The following NTM variants were observed in gnomAD, a reference collection of about 807,000 sequenced individuals.
The protein encoded by NTM is neurotrimin, also known as IgLON family member 2.
NTM carries 13 observed loss-of-function variants against 42.1 expected under a neutral mutation model. The ratio of observed to expected loss-of-function variants is 0.31; its 90% CI spans 0.20 to 0.49. The LOEUF (loss-of-function observed/expected upper bound fraction) is 0.49. Ranked by LOEUF, NTM falls within the 20% of genes least tolerant of loss-of-function variation. The pLI, the probability that NTM is intolerant of heterozygous loss-of-function variation, is 0.99. For synonymous variants in NTM, 187 were observed against 179.2 expected, an observed-to-expected ratio of 1.04 and a Z score of -0.35; for missense variants, 373 against 452.8, an observed-to-expected ratio of 0.82 and a Z score of 1.60.
At chr11:131,984,335 G>A (rs775900261) in intron 2 of NTM, 6 of 152,198 alleles carry the variant, frequency 3.9e-5, no homozygotes, top group Non-Finnish European at 7.3e-5. Flanking sequence ...TAGCAAGATG[G>A]GATTATCACA....
chr11:131,896,157 C>T (rs1026159057), intron 1 of NTM, among the ~76,000 whole-genome samples: 1 of 152,074 alleles, frequency 6.6e-6, no homozygotes, highest in East Asian at 1.9e-4. Context: ...TGTGAAATGC[C>T]GTACATCTGC....
At chr11:131,629,613 G>A (rs2063461579) in intron 1 of NTM, among the ~76,000 whole-genome samples, 1 of 152,162 alleles carries the variant, frequency 6.6e-6, no homozygotes, top group African/African-American at 2.4e-5. Context: ...GCCCCAGGAA[G>A]AAGGCAGCTT....
At chr11:131,477,282 C>T (rs900090798) in intron 1 of NTM, among the ~76,000 whole-genome samples, 9 of 152,146 alleles carry the variant, frequency 5.9e-5, no homozygotes, top group Admixed American at 5.9e-4. Context: ...CAGAATACAG[C>T]GGAAGCAGTG....
chr11:132,008,866 C>CTT (rs538607736), intron 2 of NTM, among the ~76,000 whole-genome samples: 46 of 137,664 alleles, frequency 3.3e-4, no homozygotes, highest in Non-Finnish European at 5.1e-4. Context: ...TCCTTGTTTT[C>CTT]TTTTTTTTTT....
At chr11:131,786,407 C>T (rs913633238) in intron 1 of NTM, among the ~76,000 whole-genome samples, 1 of 152,140 alleles carries the variant, frequency 6.6e-6, no homozygotes, top group Non-Finnish European at 1.5e-5. Flanking sequence ...TCTGTGTTTG[C>T]AGTTTGGGTA....
chr11:131,399,892 C>T (rs1298747351), intron 1 of NTM, among the ~76,000 whole-genome samples: 1 of 152,088 alleles, frequency 6.6e-6, no homozygotes, highest in Non-Finnish European at 1.5e-5. Flanking sequence ...GGTGCTCTGT[C>T]ATGGCGGGAA....
intron 1 of NTM, among the ~76,000 whole-genome samples, chr11:131,463,295 T>C (rs1353920931): frequency 6.6e-6 from 1 of 152,136 alleles, no homozygotes; most frequent in Non-Finnish European, 1.5e-5. Context: ...CATGGCAGGA[T>C]CCTGGAAGCA....
chr11:131,610,592 A>C (rs1362744619), intron 1 of NTM, among the ~76,000 whole-genome samples: 2 of 152,190 alleles, frequency 1.3e-5, no homozygotes, highest in Non-Finnish European at 2.9e-5. Flanking sequence ...CAAGGAGCAG[A>C]GTAGATGATA....
chr11:131,905,093 T>C (rs975830554), intron 1 of NTM, among the ~76,000 whole-genome samples: 3 of 152,190 alleles, frequency 2.0e-5, no homozygotes, highest in Non-Finnish European at 4.4e-5. Context: ...ATGAGAAGCC[T>C]GGGAGCAGCC....
intron 2 of NTM, among the ~76,000 whole-genome samples, chr11:132,081,727 A>G (rs1458174228): frequency 1.3e-5 from 2 of 151,550 alleles, no homozygotes; most frequent in Non-Finnish European, 2.9e-5. Flanking sequence ...CCATCTAAAA[A>G]AAAAAAAAAA....
intron 1 of NTM, among the ~76,000 whole-genome samples, chr11:131,394,059 G>A (rs184071052): frequency 6.6e-6 from 1 of 152,300 alleles, no homozygotes; most frequent in East Asian, 1.9e-4. Context: ...GCAACTAATA[G>A]GATATGAAGA....
chr11:131,468,978 C>T (rs1057323621), intron 1 of NTM, among the ~76,000 whole-genome samples: 4 of 152,236 alleles, frequency 2.6e-5, no homozygotes, highest in Non-Finnish European at 5.9e-5. Context: ...GGATGAAATA[C>T]CAAGGCAATA....
intron 6 of NTM, among the ~76,000 whole-genome samples, chr11:132,313,667 GAAGGAGGACATGTGCCT>G (rs2095343645): frequency 6.6e-6 from 1 of 152,180 alleles, no homozygotes; most frequent in Non-Finnish European, 1.5e-5. Flanking sequence ...AACTTCCTGA[GAAGGAGGACATGTGCCT>G]ACTGACTCCA....
chr11:132,191,692 G>A (rs2079353373), intron 3 of NTM, among the ~76,000 whole-genome samples: 1 of 152,142 alleles, frequency 6.6e-6, no homozygotes, highest in Non-Finnish European at 1.5e-5. Context: ...TGGCTGAAAT[G>A]TCAGAAATAA....
intron 1 of NTM, among the ~76,000 whole-genome samples, chr11:131,712,195 C>A (rs1248949791): frequency 9.0e-4 from 111 of 123,664 alleles, no homozygotes; most frequent in African/African-American, 2.6e-3. Flanking sequence ...CAAAAAAAAA[C>A]CCCAAAACAA....
At chr11:132,135,459 A>G (rs1245509926) in intron 2 of NTM, among the ~76,000 whole-genome samples, 1 of 152,256 alleles carries the variant, frequency 6.6e-6, no homozygotes, top group Non-Finnish European at 1.5e-5. Context: ...TTGTGTGGTC[A>G]TGACTTATTA....
chr11:132,108,619 TCAC>T (rs761523725), intron 2 of NTM, among the ~76,000 whole-genome samples: 3 of 151,890 alleles, frequency 2.0e-5, no homozygotes, highest in Non-Finnish European at 4.4e-5. Flanking sequence ...ATCTCAGAAA[TCAC>T]CACTAAAGAA....
chr11:131,390,225 A>G (rs561098498), intron 1 of NTM, among the ~76,000 whole-genome samples: 254 of 152,212 alleles, frequency 1.7e-3, no homozygotes, highest in African/African-American at 5.2e-3. Flanking sequence ...GAGGAGAGGG[A>G]GGTGCCACGG....
intron 2 of NTM, among the ~76,000 whole-genome samples, chr11:132,048,589 G>A (rs2078360387): frequency 6.6e-6 from 1 of 152,164 alleles, no homozygotes; most frequent in Non-Finnish European, 1.5e-5. Flanking sequence ...GAAGCCTTGT[G>A]TGAGAAAGTA....
Sources: gnomAD v4.1 joint callset for allele counts (sites outside exome capture counted in the v4.1 genomes callset) on GRCh38, gnomAD v4.1.1 for gene constraint, MANE v1.5 for transcripts, NCBI Gene and HGNC (gene_info 2026-07-23, HGNC 2026-07-21) for gene names.